Variants in SAMD5 observed in about 807,000 individuals in gnomAD.
SAMD5 encodes sterile alpha motif domain-containing protein 5.
Under a neutral mutation model 11.3 loss-of-function variants are expected in SAMD5, and 13 were observed. The observed-to-expected ratio is 1.15, with a 90% confidence interval of 0.75 to 1.83. The LOEUF is 1.83. Ranked by LOEUF, SAMD5 falls within the 40% of genes most tolerant of loss-of-function variation. The pLI, the probability that SAMD5 is intolerant of heterozygous loss-of-function variation, is 0.00. For missense variants in SAMD5, 255 were observed against 239.1 expected (o/e 1.07, Z -0.44); for synonymous variants, 129 against 111.3 (o/e 1.16, Z -1.00).
At chr6:147,799,442 T>G in the SAMD5 span, among the ~76,000 whole-genome samples, 1 of 152,014 alleles carries the variant, frequency 6.6e-6, no homozygotes, top group African/African-American at 2.4e-5. Flanking sequence ...AGATCCGCTG[T>G]TAGTCTGATG....
At chr6:147,887,905 AT>A in the SAMD5 span, among the ~76,000 whole-genome samples, 3 of 152,176 alleles carry the variant, frequency 2.0e-5, no homozygotes, top group African/African-American at 7.2e-5. Flanking sequence ...TAATTTGTAT[AT>A]CCCTGATGAC....
chr6:147,872,308 G>A, the SAMD5 span, among the ~76,000 whole-genome samples: 24 of 151,968 alleles, frequency 1.6e-4, no homozygotes, highest in South Asian at 1.3e-3. Context: ...CTGTTGTCCA[G>A]GCTGATCTAA....
the SAMD5 span, among the ~76,000 whole-genome samples, chr6:147,879,630 G>A: frequency 6.6e-6 from 1 of 152,138 alleles, no homozygotes; most frequent in Non-Finnish European, 1.5e-5. Context: ...AGATCTGATC[G>A]AAATGCTATT....
chr6:147,549,751 A>G (rs1788739329), intron 1 of SAMD5, among the ~76,000 whole-genome samples: 1 of 151,928 alleles, frequency 6.6e-6, no homozygotes, highest in South Asian at 2.1e-4. Context: ...ATTCTCTTTG[A>G]ATTGAACCAA....
chr6:147,748,853 A>C, the SAMD5 span, among the ~76,000 whole-genome samples: 1 of 152,214 alleles, frequency 6.6e-6, no homozygotes, highest in Admixed American at 6.5e-5. Context: ...GCATTCAGCC[A>C]ATGATAGAAC....
chr6:147,851,334 G>C, the SAMD5 span, among the ~76,000 whole-genome samples: 1 of 152,144 alleles, frequency 6.6e-6, no homozygotes, highest in African/African-American at 2.4e-5. Context: ...TAGATAAGAA[G>C]AAAACATAGT....
chr6:147,586,903 T>C (rs934741861), intron 1 of SAMD5, among the ~76,000 whole-genome samples: 2 of 152,080 alleles, frequency 1.3e-5, no homozygotes, highest in Admixed American at 1.3e-4. Context: ...TAATAAACAA[T>C]TATTTGTACA....
intron 1 of SAMD5, among the ~76,000 whole-genome samples, chr6:147,677,925 T>C (rs1050995720): frequency 1.7e-4 from 26 of 152,286 alleles, no homozygotes; most frequent in African/African-American, 6.0e-4. Flanking sequence ...TGAAAATAGC[T>C]GCTCCATTTA....
intron 1 of SAMD5, among the ~76,000 whole-genome samples, chr6:147,540,933 G>GTTTTTTT (rs1187718649): frequency 1.6e-5 from 1 of 64,156 alleles, no homozygotes; most frequent in African/African-American, 5.4e-5. Context: ...CAAGCCACGC[G>GTTTTTTT]TTTTTTTTTT....
chr6:147,555,017 C>T (rs892833184), intron 1 of SAMD5, among the ~76,000 whole-genome samples: 4 of 152,144 alleles, frequency 2.6e-5, no homozygotes, highest in African/African-American at 7.2e-5. Context: ...ATGTTAACGT[C>T]GACCTGTGTT....
the SAMD5 span, among the ~76,000 whole-genome samples, chr6:147,911,650 G>A: frequency 1.3e-5 from 2 of 151,496 alleles, no homozygotes; most frequent in South Asian, 4.2e-4. Context: ...TAGGAGATCT[G>A]CACAGAGTTA....
intron 1 of SAMD5, among the ~76,000 whole-genome samples, chr6:147,560,439 T>C (rs1317949354): frequency 6.6e-6 from 1 of 152,222 alleles, no homozygotes; most frequent in Non-Finnish European, 1.5e-5. Flanking sequence ...GTCTCCCAAA[T>C]TGTATGCAAA....
At chr6:147,583,530 G>A (rs1789327576) in intron 1 of SAMD5, among the ~76,000 whole-genome samples, 1 of 152,142 alleles carries the variant, frequency 6.6e-6, no homozygotes, top group African/African-American at 2.4e-5. Context: ...TTATGAGAAA[G>A]AGCTGACACA....
chr6:147,805,931 C>T, the SAMD5 span, among the ~76,000 whole-genome samples: 1 of 152,094 alleles, frequency 6.6e-6, no homozygotes, highest in Admixed American at 6.6e-5. Flanking sequence ...AATGAGCTTG[C>T]AATGCTGTTA....
the SAMD5 span, among the ~76,000 whole-genome samples, chr6:147,932,200 A>C: frequency 2.0e-5 from 3 of 152,224 alleles, no homozygotes; most frequent in Non-Finnish European, 4.4e-5. Flanking sequence ...ACTGAAGTAC[A>C]AAGGCATTAA....
chr6:147,949,131 C>T, the SAMD5 span, among the ~76,000 whole-genome samples: 1 of 152,274 alleles, frequency 6.6e-6, no homozygotes, highest in East Asian at 1.9e-4. Context: ...AATAGAGAAC[C>T]ACATTTTAAA....
chr6:147,856,188 T>C, the SAMD5 span, among the ~76,000 whole-genome samples: 1 of 152,178 alleles, frequency 6.6e-6, no homozygotes, highest in East Asian at 1.9e-4. Flanking sequence ...GATGTGAGCA[T>C]ATTGTAAAAT....
chr6:147,827,212 G>C, the SAMD5 span, among the ~76,000 whole-genome samples: 1 of 152,140 alleles, frequency 6.6e-6, no homozygotes, highest in African/African-American at 2.4e-5. Flanking sequence ...AAGCCTGTGA[G>C]GTCAGGCTTC....
Position 147,608,554 on chromosome 6 carries a change from C to T in SAMD5, c.162+99167C>T, listed in dbSNP as rs577391003. 2.6e-5 allele frequency among the ~76,000 whole-genome samples: 4 copies of T among 152,184 alleles called. No individual in the cohort carries two copies. The East Asian group carries it at 7.7e-4, about 29-fold the overall frequency. On this transcript the variant is annotated intron_variant, in intron 1 of 1. Coordinates refer to the SAMD5 transcript ENST00000566741. Reference sequence around the variant, plus strand: ...AAGCCAGGCACAGAAAGACAAACACCACATGTTCTCACTTATTTGTGGGAT... The same window carrying T: ...AAGCCAGGCACAGAAAGACAAACACTACATGTTCTCACTTATTTGTGGGAT...
Sources: allele counts gnomAD v4.1 joint callset (sites outside exome capture counted in the v4.1 genomes callset), GRCh38; gene constraint gnomAD v4.1.1; transcripts MANE v1.5; gene names NCBI Gene and HGNC (gene_info 2026-07-23, HGNC 2026-07-21).